The following MARCHF1 variants were observed in gnomAD, a reference collection of about 807,000 sequenced individuals.
The protein encoded by MARCHF1 is E3 ubiquitin-protein ligase MARCHF1.
MARCHF1 carries 40 observed loss-of-function variants against 54.2 expected under a neutral mutation model. The observed-to-expected ratio is 0.74, with a 90% CI of 0.57 to 0.96. The LOEUF (loss-of-function observed/expected upper bound fraction) is 0.96, where lower values mean the gene tolerates loss of function less well. Among genes scored for constraint, MARCHF1 ranks in the 40% least tolerant of loss-of-function variants. The pLI is 0.00. For missense variants in MARCHF1, 586 were observed against 656.5 expected (o/e 0.89, Z 1.17); for synonymous variants, 236 against 236.3 (o/e 1.00, Z 0.01).
intron 2 of MARCHF1, among the ~76,000 whole-genome samples, chr4:164,087,917 A>C (rs2111126181): frequency 6.6e-6 from 1 of 152,150 alleles, no homozygotes; most frequent in South Asian, 2.1e-4. Flanking sequence ...CAATAATTTC[A>C]GAGTTGCTGC....
At chr4:164,273,874 G>GA (rs1200540920) in intron 1 of MARCHF1, among the ~76,000 whole-genome samples, 8 of 151,680 alleles carry the variant, frequency 5.3e-5, no homozygotes, top group South Asian at 2.1e-4. Flanking sequence ...ACCATAATAA[G>GA]AAAAAAAAGA....
intron 2 of MARCHF1, among the ~76,000 whole-genome samples, chr4:164,110,694 A>T (rs1157176100): frequency 2.3e-5 from 3 of 131,092 alleles, no homozygotes; most frequent in Non-Finnish European, 3.3e-5. Context: ...TGTGAAAAAA[A>T]GTCTGCTTCA....
intron 1 of MARCHF1, among the ~76,000 whole-genome samples, chr4:164,248,798 T>G (rs1294512247): frequency 1.3e-5 from 2 of 152,044 alleles, no homozygotes; most frequent in African/African-American, 4.8e-5. Flanking sequence ...GTTCTTTACA[T>G]GTATTTCTTC....
chr4:164,038,564 T>C (rs998873470), intron 2 of MARCHF1, among the ~76,000 whole-genome samples: 1 of 152,190 alleles, frequency 6.6e-6, no homozygotes, highest in Non-Finnish European at 1.5e-5. Flanking sequence ...TTAAAATTTG[T>C]GCAGGTGCTC....
intron 1 of MARCHF1, among the ~76,000 whole-genome samples, chr4:164,269,320 A>G (rs1307165470): frequency 6.6e-6 from 1 of 152,052 alleles, no homozygotes; most frequent in East Asian, 1.9e-4. Flanking sequence ...AAATTCCTCA[A>G]GACTGCAGCA....
At chr4:163,529,824 TGAATGTTAAATATATGAGGGTCAA>T (rs1309421648) in intron 9 of MARCHF1, 2 of 152,066 alleles carry the variant, frequency 1.3e-5, no homozygotes, top group Non-Finnish European at 1.5e-5. Context: ...TACATAATTA[TGAATGTTAAATATATGAGGGTCAA>T]GAGTGTTAAA....
At chr4:164,057,598 A>G (rs1423307914) in intron 2 of MARCHF1, among the ~76,000 whole-genome samples, 1 of 152,112 alleles carries the variant, frequency 6.6e-6, no homozygotes, top group Admixed American at 6.5e-5. Flanking sequence ...GATGCAATTT[A>G]TGCAACTCAG....
At chr4:164,043,085 T>C (rs1023726507) in intron 2 of MARCHF1, among the ~76,000 whole-genome samples, 6 of 152,142 alleles carry the variant, frequency 3.9e-5, no homozygotes, top group African/African-American at 9.7e-5. Flanking sequence ...TCCAGGCACA[T>C]AGTGCAAGCT....
chr4:164,176,082 T>G (rs909508789), intron 1 of MARCHF1, among the ~76,000 whole-genome samples: 2 of 152,134 alleles, frequency 1.3e-5, no homozygotes, highest in African/African-American at 4.8e-5. Flanking sequence ...AATAAAGAAA[T>G]AAACTCAACA....
chr4:164,217,488 T>C (rs553679265), intron 1 of MARCHF1, among the ~76,000 whole-genome samples: 1 of 152,318 alleles, frequency 6.6e-6, no homozygotes, highest in East Asian at 1.9e-4. Context: ...TTATTAATGA[T>C]TGAGGATGGC....
At chr4:163,998,763 T>C (rs1028289977) in intron 2 of MARCHF1, among the ~76,000 whole-genome samples, 1 of 151,716 alleles carries the variant, frequency 6.6e-6, no homozygotes, top group African/African-American at 2.4e-5. Flanking sequence ...GCTTCATCTG[T>C]GATGTTGCAA....
intron 3 of MARCHF1, among the ~76,000 whole-genome samples, chr4:163,929,993 A>T (rs1411807443): frequency 1.5e-5 from 2 of 129,676 alleles, no homozygotes; most frequent in Non-Finnish European, 3.2e-5. Flanking sequence ...TATATATATA[A>T]TATATTATAT....
chr4:163,535,725 G>C (rs916524298), intron 9 of MARCHF1, among the ~76,000 whole-genome samples: 4 of 150,820 alleles, frequency 2.7e-5, no homozygotes, highest in Non-Finnish European at 4.4e-5. Context: ...TCTATGCAGA[G>C]AGTCCATGCA....
At chr4:164,224,143 C>T (rs781374476) in intron 1 of MARCHF1, among the ~76,000 whole-genome samples, 7 of 151,346 alleles carry the variant, frequency 4.6e-5, no homozygotes, top group East Asian at 1.9e-4. Flanking sequence ...AACACAAATT[C>T]GTATTAGGCC....
intron 3 of MARCHF1, among the ~76,000 whole-genome samples, chr4:163,930,915 G>A (rs1221193294): frequency 2.6e-5 from 4 of 152,088 alleles, no homozygotes; most frequent in African/African-American, 7.2e-5. Flanking sequence ...GCAGAATGCT[G>A]TGAATTAAAT....
At chr4:163,931,513 G>A (rs1406474119) in intron 3 of MARCHF1, among the ~76,000 whole-genome samples, 1 of 152,128 alleles carries the variant, frequency 6.6e-6, no homozygotes, top group African/African-American at 2.4e-5. Context: ...GTTACACTGA[G>A]AATATGGTTG....
chr4:164,337,495 C>A (rs1344383396), intron 1 of MARCHF1, among the ~76,000 whole-genome samples: 3 of 152,116 alleles, frequency 2.0e-5, no homozygotes, highest in South Asian at 2.1e-4. Context: ...ATCTTTCTCA[C>A]CCAAAATACT....
chr4:164,375,563 T>C (rs776202584), intron 1 of MARCHF1, among the ~76,000 whole-genome samples: 10 of 152,198 alleles, frequency 6.6e-5, no homozygotes, highest in Middle Eastern at 3.2e-3. Flanking sequence ...ACTCTTAATA[T>C]TTGCTAGGCT....
chr4:163,674,299 C>T (rs899874146), intron 5 of MARCHF1, among the ~76,000 whole-genome samples: 1 of 152,004 alleles, frequency 6.6e-6, no homozygotes, highest in Non-Finnish European at 1.5e-5. Context: ...ACCCGTGTAA[C>T]AAAACTTCAC....
Sources: allele counts gnomAD v4.1 joint callset (sites outside exome capture counted in the v4.1 genomes callset), GRCh38; gene constraint gnomAD v4.1.1; transcripts MANE v1.5; gene names NCBI Gene and HGNC (gene_info 2026-07-23, HGNC 2026-07-21).